TDRD3: variants seen among roughly 807,000 people sequenced by gnomAD.
TDRD3 encodes tudor domain-containing protein 3.
A neutral mutation model predicts 86.7 loss-of-function variants in TDRD3; 45 were observed. That is an observed-to-expected ratio of 0.52 (90% confidence interval 0.41 to 0.67). The LOEUF (loss-of-function observed/expected upper bound fraction) is 0.67. TDRD3 is among the 30% of genes least tolerant of loss of function. The pLI is 0.00. For missense variants in TDRD3, 814 were observed against 889.0 expected, an observed-to-expected ratio of 0.92 and a Z score of 1.07; for synonymous variants, 298 against 301.7, an observed-to-expected ratio of 0.99 and a Z score of 0.13.
chr13:60,573,277 C>T (rs1053397423), intron 13 of TDRD3, among the ~76,000 whole-genome samples: 1 of 152,116 alleles, frequency 6.6e-6, no homozygotes, highest in Non-Finnish European at 1.5e-5. Flanking sequence ...GGTTCATTGG[C>T]AGACTGCATC....
At chr13:60,572,594 C>G (rs1958610244) in intron 13 of TDRD3, among the ~76,000 whole-genome samples, 1 of 152,146 alleles carries the variant, frequency 6.6e-6, no homozygotes, top group African/African-American at 2.4e-5. Flanking sequence ...CCATGGAGGT[C>G]AAGGCTCAAT....
intron 12 of TDRD3, among the ~76,000 whole-genome samples, chr13:60,562,109 G>A (rs1958347783): frequency 6.6e-6 from 1 of 151,716 alleles, no homozygotes; most frequent in Non-Finnish European, 1.5e-5. Context: ...TCAGGAGTTC[G>A]AGACCAGCCT....
At chr13:60,396,459 C>T (rs928011041), upstream of TDRD3, 10 of 152,400 alleles carry the variant, frequency 6.6e-5, no homozygotes, top group Admixed American at 5.9e-4. Context: ...ACTCAGGGAC[C>T]CACCCTGCGC....
intron 1 of TDRD3, among the ~76,000 whole-genome samples, chr13:60,421,990 A>C (rs1954671333): frequency 6.6e-6 from 1 of 152,220 alleles, no homozygotes; most frequent in Non-Finnish European, 1.5e-5. Flanking sequence ...GAAACAGATG[A>C]AAAACAGTGG....
intron 12 of TDRD3, among the ~76,000 whole-genome samples, chr13:60,562,695 G>A (rs796672955): frequency 1.3e-5 from 2 of 152,168 alleles, no homozygotes; most frequent in Non-Finnish European, 2.9e-5. Context: ...AATTTCATAT[G>A]CTGATGTATG....
At chr13:60,458,700 C>G (rs1390712311) in intron 3 of TDRD3, among the ~76,000 whole-genome samples, 1 of 152,110 alleles carries the variant, frequency 6.6e-6, no homozygotes, top group Non-Finnish European at 1.5e-5. Flanking sequence ...TCTGTGCTCT[C>G]CATATATAGA....
At chr13:60,544,267 CT>C (rs1179984107) in intron 12 of TDRD3, among the ~76,000 whole-genome samples, 2 of 151,500 alleles carry the variant, frequency 1.3e-5, no homozygotes, top group African/African-American at 2.4e-5. Flanking sequence ...AAGACCCTTA[CT>C]TTACAAAAAT....
chr13:60,528,008 G>A (rs1322635687), intron 10 of TDRD3, among the ~76,000 whole-genome samples: 1 of 152,182 alleles, frequency 6.6e-6, no homozygotes, highest in Non-Finnish European at 1.5e-5. Flanking sequence ...TACTTGTGCA[G>A]TTTCATAGCA....
intron 4 of TDRD3, among the ~76,000 whole-genome samples, chr13:60,466,620 T>G (rs925486963): frequency 2.6e-5 from 4 of 151,968 alleles, no homozygotes; most frequent in African/African-American, 9.7e-5. Flanking sequence ...AAACCCTGTC[T>G]CTCCTGAAAA....
chr13:60,486,364 G>A (rs558800426), intron 7 of TDRD3, among the ~76,000 whole-genome samples: 2 of 152,204 alleles, frequency 1.3e-5, no homozygotes, highest in East Asian at 1.9e-4. Context: ...ATAAAAATCA[G>A]CGGATCTGTC....
chr13:60,534,812 C>G (rs1828107222), intron 11 of TDRD3, among the ~76,000 whole-genome samples: 1 of 150,790 alleles, frequency 6.6e-6, no homozygotes, highest in Non-Finnish European at 1.5e-5. Context: ...CCTGTAGTCC[C>G]AGCTTCTCAA....
chr13:60,395,585 CACG>C (rs1450525361), upstream of TDRD3, among the ~76,000 whole-genome samples: 1 of 152,158 alleles, frequency 6.6e-6, no homozygotes, highest in Non-Finnish European at 1.5e-5. Flanking sequence ...TACTGAATCA[CACG>C]ACATGTGAGA....
At position 60,496,324 on chromosome 13, in the gene TDRD3, T is replaced by G. The variant is rs1226472708; in HGVS notation, c.858+1749T>G. On this transcript the variant is annotated intron_variant, in intron 8 of 13. Transcript: ENST00000377881. ...ATATATATATATATATATATATATA[T>G]ATATATATATATATATATATCCTCT... 6.7e-3 allele frequency among the ~76,000 whole-genome samples: 584 copies of G among 87,344 alleles called. 13 individuals carry two copies. Among genetic ancestry groups the G allele is most frequent in the Middle Eastern group, 0.027 (4 of 150 alleles). The allele number at this position is 87,344 out of a possible 152,430, so 57.3% of individuals were successfully genotyped here.
chr13:60,509,753 T>A lies in TDRD3; in HGVS notation c.859-10T>A, dbSNP rs117941795. The A allele has an allele frequency of 4.3e-4, 699 of 1,613,520 alleles. 6 individuals carry two copies. In the East Asian group the frequency reaches 0.013, roughly 30 times the overall value. On this transcript the variant is annotated splice_polypyrimidine_tract_variant and intron_variant, in intron 8 of 13. Coordinates refer to ENST00000377881, the MANE Select transcript of TDRD3 (RefSeq NM_001146070.2). Reference sequence around the variant, plus strand: ...GGCTATCAGCCAGCTTTTCTCTTTATTCCTTCCAGGTTGATGAGAAAGCTC... The same window carrying A: ...GGCTATCAGCCAGCTTTTCTCTTTAATCCTTCCAGGTTGATGAGAAAGCTC...
At chr13:60,484,820 C>A in intron 6 of TDRD3, 1 of 367,288 alleles carries the variant, frequency 2.7e-6, no homozygotes, top group Admixed American at 3.7e-5. Flanking sequence ...ATTCTAATAA[C>A]TTATATTTGA....
At chr13:60,531,143 T>C (rs1008587302) in intron 11 of TDRD3, among the ~76,000 whole-genome samples, 18 of 152,206 alleles carry the variant, frequency 1.2e-4, no homozygotes, top group Admixed American at 6.5e-5. Flanking sequence ...TGGGTGTCTT[T>C]TCTTTTTCTC....
At chr13:60,480,971 G>A (rs1344470583) in intron 5 of TDRD3, among the ~76,000 whole-genome samples, 3 of 152,062 alleles carry the variant, frequency 2.0e-5, no homozygotes, top group Non-Finnish European at 4.4e-5. Context: ...TCTGGTGAGG[G>A]GCACCACAGG....
chr13:60,548,738 A>C (rs547521357), intron 12 of TDRD3, among the ~76,000 whole-genome samples: 4 of 152,206 alleles, frequency 2.6e-5, no homozygotes, highest in African/African-American at 9.6e-5. Flanking sequence ...AAATGAAATC[A>C]TAATACTTAC....
intron 12 of TDRD3, among the ~76,000 whole-genome samples, chr13:60,558,972 T>G (rs1319150908): frequency 1.3e-5 from 2 of 151,592 alleles, no homozygotes; most frequent in Non-Finnish European, 2.9e-5. Flanking sequence ...TGCTTTTTTT[T>G]TTTTTTTTCT....
Sources: gnomAD v4.1 joint callset for allele counts (sites outside exome capture counted in the v4.1 genomes callset) on GRCh38, gnomAD v4.1.1 for gene constraint, MANE v1.5 for transcripts, NCBI Gene and HGNC (gene_info 2026-07-23, HGNC 2026-07-21) for gene names.